LRRC7: variants seen among roughly 807,000 people sequenced by gnomAD.
The protein encoded by LRRC7 is leucine-rich repeat-containing protein 7.
In LRRC7, 23 loss-of-function variants were observed where a neutral mutation model predicts 175.7. The ratio of observed to expected loss-of-function variants is 0.13; its 90% CI spans 0.09 to 0.19. The LOEUF (loss-of-function observed/expected upper bound fraction) is 0.19. LRRC7 is among the 10% of genes least tolerant of loss of function. The pLI, the probability that LRRC7 is intolerant of heterozygous loss-of-function variation, is 1.00. For missense variants in LRRC7, 1,354 were observed against 1,904.7 expected, an observed-to-expected ratio of 0.71 and a Z score of 5.38; for synonymous variants, 685 against 680.9, an observed-to-expected ratio of 1.01 and a Z score of -0.09.
At chr1:69,606,818 G>T in intron 1 of LRRC7, 1 of 151,972 alleles carries the variant, frequency 6.6e-6, no homozygotes, top group East Asian at 1.9e-4. Flanking sequence ...CATTGCATTT[G>T]GTTAATACTT....
At chr1:70,103,055 C>A (rs1332518274) in intron 25 of LRRC7, among the ~76,000 whole-genome samples, 1 of 151,874 alleles carries the variant, frequency 6.6e-6, no homozygotes, top group Non-Finnish European at 1.5e-5. Flanking sequence ...ATGGCAAAAC[C>A]CTGTCTCTAC....
chr1:69,594,981 T>C (rs1205647742), intron 1 of LRRC7, among the ~76,000 whole-genome samples: 1 of 152,080 alleles, frequency 6.6e-6, no homozygotes, highest in Admixed American at 6.6e-5. Flanking sequence ...GAAGATGACA[T>C]TACTATACCT....
intron 5 of LRRC7, among the ~76,000 whole-genome samples, chr1:69,830,770 G>A (rs1272368030): frequency 2.6e-5 from 4 of 151,780 alleles, no homozygotes; most frequent in African/African-American, 7.2e-5. Flanking sequence ...CTATGTAATC[G>A]TATTCTTAAC....
rs115753758 is a variant in LRRC7 at position 69,675,931 on chromosome 1, A to G, written c.3-2450A>G. ...TTGACATGAATTTTGAGTGAAACTA[A>G]GATTCAAGTTATCACTGCACATTAA... On this transcript the variant is annotated intron_variant, in intron 1 of 26. Transcript: ENST00000651989. 4.3e-3 allele frequency among the ~76,000 whole-genome samples: 656 copies of G among 152,016 alleles called. 8 individuals are homozygous for G. The highest frequency in any genetic ancestry group is 0.015 in the African/African-American group (626 of 41,456).
chr1:70,084,697 T>C (rs996278548), intron 24 of LRRC7, among the ~76,000 whole-genome samples: 1 of 152,184 alleles, frequency 6.6e-6, no homozygotes, highest in Non-Finnish European at 1.5e-5. Flanking sequence ...AGTCATATGG[T>C]AATTATGTTT....
At chr1:69,783,879 A>G (rs917826302) in intron 3 of LRRC7, among the ~76,000 whole-genome samples, 1 of 152,150 alleles carries the variant, frequency 6.6e-6, no homozygotes, top group Admixed American at 6.5e-5. Context: ...AAGCATTAAA[A>G]CATTTAGAAG....
intron 3 of LRRC7, among the ~76,000 whole-genome samples, chr1:69,782,949 G>T (rs879837778): frequency 6.6e-6 from 1 of 152,094 alleles, no homozygotes; most frequent in African/African-American, 2.4e-5. Context: ...CAACTAAAAG[G>T]TTAACTCAAA....
chr1:69,781,896 AGG>A lies in LRRC7; in HGVS notation c.304-10145_304-10144del, dbSNP rs59088174. Among the ~76,000 whole-genome samples, 826 of 145,848 alleles carry A rather than the reference AGG, an allele frequency of 5.7e-3. 25 individuals carry two copies. The highest frequency in any genetic ancestry group is 7.9e-3 in the Non-Finnish European group (526 of 66,440). On this transcript the variant is annotated intron_variant, in intron 3 of 26. Transcript: ENST00000651989. The stretch of plus-strand genomic sequence containing the variant: ...AGGAAGAAAGAAAAGGAAGGAAGGA[AGG>A]GAAAGAAAGAAAAAGAAGAAAGAAA...
chr1:69,576,227 G>GGA (rs1553168337), intron 1 of LRRC7, among the ~76,000 whole-genome samples: 1 of 146,230 alleles, frequency 6.8e-6, no homozygotes, highest in Non-Finnish European at 1.5e-5. Flanking sequence ...GTGACACTCT[G>GGA]AAAAAAAAAA....
chr1:70,087,065 G>T (rs560097900), intron 24 of LRRC7, among the ~76,000 whole-genome samples: 10 of 152,190 alleles, frequency 6.6e-5, no homozygotes, highest in Admixed American at 5.2e-4. Flanking sequence ...CAGAATTTAT[G>T]TTTGTTTGTC....
chr1:70,142,593 T>C lies in LRRC7; in HGVS notation c.*20706T>C, dbSNP rs955013484. Reference sequence around the variant, plus strand: ...TTTTTTACTAGTGGAAAATTAGAAGTAAATCTACCAAATTCTGTTTGTAAA... The same window carrying C: ...TTTTTTACTAGTGGAAAATTAGAAGCAAATCTACCAAATTCTGTTTGTAAA... On this transcript the variant is annotated 3_prime_UTR_variant, in exon 27 of 27. Transcript: ENST00000651989. The C allele has an allele frequency of 6.6e-6, 1 of 152,124 alleles. No homozygotes were observed. Among genetic ancestry groups the C allele is most frequent in the Non-Finnish European group, 1.5e-5 (1 of 67,964 alleles). 9.4% of individuals were successfully genotyped at this position (152,124 alleles called of 1,614,324 possible). A position where few individuals can be genotyped will look rare whatever the true frequency, so the allele number is the denominator to read the frequency against.
At chr1:70,100,538 A>T (rs1181443637) in intron 25 of LRRC7, among the ~76,000 whole-genome samples, 1 of 152,040 alleles carries the variant, frequency 6.6e-6, no homozygotes, top group Non-Finnish European at 1.5e-5. Flanking sequence ...TTATTAATAA[A>T]TTTTTTTACA....
intron 19 of LRRC7, 78 bp downstream of exon 19, chr1:70,036,310 C>A: frequency 7.2e-7 from 1 of 1,392,324 alleles, no homozygotes; most frequent in South Asian, 1.3e-5. Context: ...AATTATGATA[C>A]ACCATATTCT....
At position 69,814,879 on chromosome 1, in the gene LRRC7, A is replaced by T. The variant is rs143558772; in HGVS notation, c.422-10869A>T. The stretch of plus-strand genomic sequence containing the variant: ...GACTCAATAGCTGAAACAAAAGCAT[A>T]CTCTTACTTTCTTGCCACATTTTGT... On this transcript the variant is annotated intron_variant, in intron 4 of 26. Transcript: ENST00000651989. Among the ~76,000 whole-genome samples, 436 of 151,834 alleles carry T rather than the reference A, an allele frequency of 2.9e-3. 12 individuals carry two copies. The East Asian group carries it at 0.072, about 25-fold the overall frequency.
intron 2 of LRRC7, among the ~76,000 whole-genome samples, chr1:69,717,996 AAG>A (rs1294640133): frequency 1.3e-4 from 20 of 149,182 alleles, no homozygotes; most frequent in African/African-American, 4.4e-4. Flanking sequence ...GAGGGAGAGA[AAG>A]AAAGAAAAGA....
rs61782587 is a variant in LRRC7 at position 69,886,023 on chromosome 1, T to A, written c.648-45484T>A. Among the ~76,000 whole-genome samples, 122 of 148,080 alleles carry A rather than the reference T, an allele frequency of 8.2e-4. 1 individual carries two copies. The highest frequency in any genetic ancestry group is 2.2e-4 in the South Asian group (1 of 4,594). On this transcript the variant is annotated intron_variant, in intron 7 of 26. Transcript: ENST00000651989. ...CTGTTCTTTTACATTTGCTGAGGAG[T>A]GCTTTACTTCCAAGTATGTGGTCAA...
chr1:70,119,680 T>C (rs770578520), intron 26 of LRRC7, among the ~76,000 whole-genome samples: 1 of 152,160 alleles, frequency 6.6e-6, no homozygotes, highest in Admixed American at 6.5e-5. Flanking sequence ...ATTGATACGA[T>C]GTCAAGTATG....
chr1:69,824,340 A>G (rs1371488457), intron 4 of LRRC7, among the ~76,000 whole-genome samples: 1 of 152,184 alleles, frequency 6.6e-6, no homozygotes. Flanking sequence ...TAGATTATTG[A>G]CATGGCTGCC....
chr1:70,054,263 A>T (rs1163500149), intron 23 of LRRC7, among the ~76,000 whole-genome samples: 4 of 152,216 alleles, frequency 2.6e-5, no homozygotes, highest in African/African-American at 9.6e-5. Flanking sequence ...ATTTCAAAGC[A>T]ATAAAAATTA....
Sources: allele counts gnomAD v4.1 joint callset (sites outside exome capture counted in the v4.1 genomes callset), GRCh38; gene constraint gnomAD v4.1.1; transcripts MANE v1.5; gene names NCBI Gene and HGNC (gene_info 2026-07-23, HGNC 2026-07-21).